Variants in TNFRSF1A observed in about 807,000 individuals in gnomAD.
TNFRSF1A encodes the protein tumor necrosis factor receptor superfamily member 1A.
A neutral mutation model predicts 41.6 loss-of-function variants in TNFRSF1A; 9 were observed. That is an observed-to-expected ratio of 0.22 (90% CI 0.13 to 0.38). The LOEUF (loss-of-function observed/expected upper bound fraction) is 0.38, where lower values mean the gene tolerates loss of function less well. TNFRSF1A is among the 10% of genes least tolerant of loss of function. The probability of loss-of-function intolerance (pLI) is 1.00; values close to 1 mark genes in which losing one functional copy is unlikely to be tolerated. For synonymous variants in TNFRSF1A, 254 were observed against 248.6 expected, an observed-to-expected ratio of 1.02 and a Z score of -0.21; for missense variants, 463 against 591.5, an observed-to-expected ratio of 0.78 and a Z score of 2.25.
Position 6,341,523 on chromosome 12 carries a change from G to C in TNFRSF1A, c.39+253C>G, listed in dbSNP as rs1948194829. ...CCCACAAACTTCCACCGCTGTCAGGGGCCAGGGCTTCCTTTTACTCTCTCC... is the reference window on the plus strand; with the variant it reads ...CCCACAAACTTCCACCGCTGTCAGGCGCCAGGGCTTCCTTTTACTCTCTCC... On this transcript the variant is annotated intron_variant, in intron 1 of 9. Transcript: ENST00000162749. The surrounding 1 kb of genome is among the most constrained non-coding windows in gnomAD (Gnocchi z 4.6). 6.6e-6 allele frequency among the ~76,000 whole-genome samples: 1 copy of C among 152,198 alleles called. No individual in the cohort carries two copies. Among genetic ancestry groups the C allele is most frequent in the Non-Finnish European group, 1.5e-5 (1 of 68,034 alleles).
intron 1 of TNFRSF1A, among the ~76,000 whole-genome samples, chr12:6,336,054 A>T (rs907879823): frequency 6.6e-6 from 1 of 152,192 alleles, no homozygotes; most frequent in African/African-American, 2.4e-5. Context: ...CCCAGTCCTG[A>T]AAGTGTGGTT....
rs914081389 is a variant in TNFRSF1A, at chr12:6,337,063, G to A, written c.40-2819C>T. Reference sequence around the variant, plus strand: ...GAGGGAGCAGGCAAGAAGGGATGCCGGATGGAAGAACCAGCCCTGCTTCCT... The same window carrying A: ...GAGGGAGCAGGCAAGAAGGGATGCCAGATGGAAGAACCAGCCCTGCTTCCT... On this transcript the variant is annotated intron_variant, in intron 1 of 9. Transcript: ENST00000162749. This position sits in a 1 kb window ranked among gnomAD's most constrained non-coding sequence, Gnocchi z 4.6. Among the ~76,000 whole-genome samples the A allele has an allele frequency of 1.3e-5, 2 of 152,174 alleles. No homozygotes were observed. The highest frequency in any genetic ancestry group is 2.9e-5 in the Non-Finnish European group (2 of 68,024).
At chr12:6,339,046 C>T (rs1166568089) in intron 1 of TNFRSF1A, among the ~76,000 whole-genome samples, 33 of 152,182 alleles carry the variant, frequency 2.2e-4, no homozygotes, top group Non-Finnish European at 4.3e-4. Flanking sequence ...CAACACTCTT[C>T]CTCCATCCTC....
rs753538316 is a variant in TNFRSF1A at position 6,333,183 on chromosome 12, C to A, written c.473-36G>T. The A allele has an allele frequency of 2.5e-6, 4 of 1,603,198 alleles. No individual in the cohort carries two copies. In the Admixed American group the frequency reaches 5.0e-5, roughly 20 times the overall value. On this transcript the variant is annotated intron_variant, in intron 4 of 9. Transcript: ENST00000162749. This position sits in a 1 kb window ranked among gnomAD's most constrained non-coding sequence, Gnocchi z 6.3. ...AAGTGCGGCACAGCTAAAGGAGAAG[C>A]GCCTGCACCCCCACCCCACAGGACA... is the stretch of plus-strand genomic sequence containing the variant.
Position 6,329,234 on chromosome 12 carries a change from C to T in TNFRSF1A, c.*78G>A. Reference sequence around the variant, plus strand: ...TAGCTCCTGCTTGCCCCTGCAGGACCCCTCCTTTCCAGAAAAAAGTGGGGT... The same window carrying T: ...TAGCTCCTGCTTGCCCCTGCAGGACTCCTCCTTTCCAGAAAAAAGTGGGGT... On this transcript the variant is annotated 3_prime_UTR_variant, in exon 10 of 10. Transcript: ENST00000162749. 1.5e-6 allele frequency: 2 copies of T among 1,378,956 alleles called. No homozygotes were observed. The highest frequency in any genetic ancestry group is 1.9e-6 in the Non-Finnish European group (2 of 1,054,276). The allele number at this position is 1,378,956 out of a possible 1,614,324, so 85.4% of individuals were successfully genotyped here. A position where few individuals can be genotyped will look rare whatever the true frequency, so the allele number is the denominator to read the frequency against.
At chr12:6,338,765 G>A (rs181377470) in intron 1 of TNFRSF1A, among the ~76,000 whole-genome samples, 1 of 152,132 alleles carries the variant, frequency 6.6e-6, no homozygotes, top group African/African-American at 2.4e-5. Flanking sequence ...GAATAGCTGG[G>A]ATGACAAGCA....
chr12:6,334,462 A>C lies in TNFRSF1A; in HGVS notation c.40-218T>G, dbSNP rs1421413866. Among the ~76,000 whole-genome samples the C allele has an allele frequency of 6.6e-6, 1 of 151,474 alleles. No homozygotes were observed. The highest frequency in any genetic ancestry group is 1.5e-5 in the Non-Finnish European group (1 of 67,918). The stretch of plus-strand genomic sequence containing the variant: ...TGTTCTCTAGTTGTCCTGTGTGTTC[A>C]TTTTTGTTCCCTCAACTCAAAGCTA... On this transcript the variant is annotated intron_variant, in intron 1 of 9. Coordinates refer to ENST00000162749, the MANE Select transcript of TNFRSF1A (RefSeq NM_001065.4). This position sits in a 1 kb window ranked among gnomAD's most constrained non-coding sequence, Gnocchi z 5.1.
intron 1 of TNFRSF1A, among the ~76,000 whole-genome samples, chr12:6,340,442 G>A (rs1021813648): frequency 3.9e-5 from 6 of 152,186 alleles, no homozygotes; most frequent in Non-Finnish European, 1.5e-5. Flanking sequence ...GAAGCAGGAT[G>A]TCAGGGCAGC....
At chr12:6,330,164 C>T in intron 8 of TNFRSF1A, 98 bp from the exon 9 acceptor site, 4 of 1,611,318 alleles carry the variant, frequency 2.5e-6, no homozygotes, top group Non-Finnish European at 2.5e-6. Flanking sequence ...GGGAATGAGG[C>T]GAGCCCCCGG....
chr12:6,340,367 T>C lies in TNFRSF1A; in HGVS notation c.39+1409A>G, dbSNP rs140493594. On this transcript the variant is annotated intron_variant, in intron 1 of 9. Transcript: ENST00000162749. ...CGAAGGCATGGAAGGTTAGGTTATA[T>C]AAGCTGCTCTTGTTCATGCAGGAGG... Among the ~76,000 whole-genome samples, 27 of 152,298 alleles carry C rather than the reference T, an allele frequency of 1.8e-4. No individual in the cohort carries two copies. In the East Asian group the frequency reaches 5.2e-3, roughly 29 times the overall value.
Position 6,329,833 on chromosome 12 carries a change from G to T in TNFRSF1A, c.1002C>A (p.Ile334=). 3 of 1,604,882 alleles carry T rather than the reference G, an allele frequency of 1.9e-6. No homozygotes were observed. Among genetic ancestry groups the T allele is most frequent in the Non-Finnish European group, 2.5e-6 (3 of 1,176,760 alleles). ...CCTCCCACTTCTGAAGGGGGTTGGG[G>T]ATGGGGTCGGAGGCGAGGGCTGTCG... ...ILATALASDP[I]PNPLQKWEDS... is the part of the protein sequence containing the mutation. The change falls in exon 9 of 10, where the codon ATC becomes ATA. Residue 334 remains isoleucine, a synonymous_variant. Coordinates refer to ENST00000162749, the MANE Select transcript of TNFRSF1A (RefSeq NM_001065.4).
At position 6,330,859 on chromosome 12, in the gene TNFRSF1A, C is replaced by T. The variant is rs1424748509; in HGVS notation, c.619G>A (p.Asp207Asn). 2 of 1,613,748 alleles carry T rather than the reference C, an allele frequency of 1.2e-6. No homozygotes were observed. The highest frequency in any genetic ancestry group is 2.2e-5 in the South Asian group (2 of 91,056). Residue 207 changes from aspartate to asparagine, a missense_variant, in exon 6 of 10, where the codon GAC (aspartate) becomes AAC (asparagine). By Grantham distance (23) the Asp-to-Asn change is conservative. This residue lies in a region of TNFRSF1A where 149 missense variants were observed against 239.4 expected (regional missense o/e 0.62). Transcript: ENST00000162749. ...PQIENVKGTE[D>N]SGTTVLLPLV... ...CCAGGTCACTTCTCCTCACCTGAGT[C>T]CTCAGTGCCCTTAACATTCTCAATC...
chr12:6,332,022 A>G (rs897404920), intron 5 of TNFRSF1A: 10 of 296,312 alleles, frequency 3.4e-5, no homozygotes, highest in Middle Eastern at 1.3e-3. Context: ...AAAAAAAAAA[A>G]AAGAAGATTA....
rs761112528 is a variant in TNFRSF1A at position 6,333,622 on chromosome 12, A to G, written c.323-106T>C. ...GTCTCTGTAATACACACTCACATCCATGCAGTGTCCCACCAAAACACACAC... is the reference window on the plus strand; with the variant it reads ...GTCTCTGTAATACACACTCACATCCGTGCAGTGTCCCACCAAAACACACAC... On this transcript the variant is annotated intron_variant, in intron 3 of 9. Transcript: ENST00000162749. The surrounding 1 kb of genome is among the most constrained non-coding windows in gnomAD (Gnocchi z 6.3). 84 of 1,581,136 alleles carry G rather than the reference A, an allele frequency of 5.3e-5. No individual in the cohort carries two copies. Among genetic ancestry groups the G allele is most frequent in the Non-Finnish European group, 7.1e-5 (83 of 1,161,032 alleles).
chr12:6,334,978 A>T lies in TNFRSF1A; in HGVS notation c.40-734T>A, dbSNP rs188156407. ...ATCTGGGTGCTGGGTTCACCGTGTG[A>T]TCGCTTTGCGAACATTCACAGAGGT... On this transcript the variant is annotated intron_variant, in intron 1 of 9. Transcript: ENST00000162749. The surrounding 1 kb of genome is among the most constrained non-coding windows in gnomAD (Gnocchi z 5.1). Among the ~76,000 whole-genome samples, 3 of 152,308 alleles carry T rather than the reference A, an allele frequency of 2.0e-5. No homozygotes were observed. Among genetic ancestry groups the T allele is most frequent in the Admixed American group, 1.3e-4 (2 of 15,300 alleles).
intron 1 of TNFRSF1A, among the ~76,000 whole-genome samples, chr12:6,338,657 G>A (rs1291357907): frequency 6.7e-5 from 10 of 149,538 alleles, no homozygotes; most frequent in Admixed American, 1.3e-4. Context: ...ATAGCTCACT[G>A]CAACCTTCAC....
Position 6,330,062 on chromosome 12 carries a change from T to C in TNFRSF1A, c.773A>G (p.Glu258Gly). Reference protein sequence around the residue: ...CGKSTPEKEGELEGTTTKPLA... With the variant: ...CGKSTPEKEGGLEGTTTKPLA... ...GGGCTTAGTAGTAGTTCCTTCAAGC[T>C]CCCCCTGAAAGAGAGAAGGTGGCGC... The change falls in exon 9 of 10, where the codon GAG becomes GGG. Residue 258 changes from glutamate (E) to glycine (G), a missense_variant. By Grantham distance (98) the Glu-to-Gly change is moderately conservative. Coordinates refer to ENST00000162749, the MANE Select transcript of TNFRSF1A (RefSeq NM_001065.4). 1 of 1,611,918 alleles carries C rather than the reference T, an allele frequency of 6.2e-7. No individual in the cohort carries two copies.
chr12:6,334,512 T>G lies in TNFRSF1A; in HGVS notation c.40-268A>C, dbSNP rs1295097431. ...AGTAGGCCCCAGATCTAAGCTGTAT[T>G]TTTTTTTTTTTAGGCAGGATCTTGC... On this transcript the variant is annotated intron_variant, in intron 1 of 9. Coordinates refer to ENST00000162749, the MANE Select transcript of TNFRSF1A (RefSeq NM_001065.4). The surrounding 1 kb of genome is among the most constrained non-coding windows in gnomAD (Gnocchi z 5.1). 4.9e-5 allele frequency among the ~76,000 whole-genome samples: 7 copies of G among 144,204 alleles called. No homozygotes were observed. The highest frequency in any genetic ancestry group is 1.9e-4 in the African/African-American group (7 of 36,860). 94.6% of individuals were successfully genotyped at this position (144,204 alleles called of 152,430 possible).
In TNFRSF1A at chr12:6,334,527, C is replaced by T. The variant is rs545663240; in HGVS notation, c.40-283G>A. Among the ~76,000 whole-genome samples, 1 of 151,176 alleles carries T rather than the reference C, an allele frequency of 6.6e-6. No homozygotes were observed. Among genetic ancestry groups the T allele is most frequent in the South Asian group, 2.1e-4 (1 of 4,804 alleles). On this transcript the variant is annotated intron_variant, in intron 1 of 9. Coordinates refer to ENST00000162749, the MANE Select transcript of TNFRSF1A (RefSeq NM_001065.4). This position sits in a 1 kb window ranked among gnomAD's most constrained non-coding sequence, Gnocchi z 5.1. The stretch of plus-strand genomic sequence containing the variant: ...TAAGCTGTATTTTTTTTTTTTTAGG[C>T]AGGATCTTGCTCTGTTGTCCAGGCT...
Sources: gnomAD v4.1 joint callset for allele counts (sites outside exome capture counted in the v4.1 genomes callset) on GRCh38, gnomAD v4.1.1 for gene constraint, gnomAD v4.1.1 regional missense constraint, Gnocchi (gnomAD v3.1) non-coding constraint, MANE v1.5 for transcripts, NCBI Gene and HGNC (gene_info 2026-07-23, HGNC 2026-07-21) for gene names.